TVP23A: variants seen among roughly 807,000 people sequenced by gnomAD.
The protein encoded by TVP23A is Golgi apparatus membrane protein TVP23 homolog A.
In TVP23A, 21 loss-of-function variants were observed where a neutral mutation model predicts 31.7. The ratio of observed to expected loss-of-function variants is 0.66; its 90% CI spans 0.47 to 0.95. TVP23A has a LOEUF of 0.95. Ranked by LOEUF, TVP23A falls within the 40% of genes least tolerant of loss-of-function variation. The pLI is 0.00. For synonymous variants in TVP23A, 104 were observed against 96.0 expected (o/e 1.08, Z -0.49); for missense variants, 279 against 255.6 (o/e 1.09, Z -0.62).
chr16:10,817,569 C>G (rs2034498600), intron 2 of TVP23A, among the ~76,000 whole-genome samples: 2 of 152,216 alleles, frequency 1.3e-5, no homozygotes, highest in South Asian at 2.1e-4. Flanking sequence ...CTAGACTCAG[C>G]AGGGATTAGA....
rs2233538 is a variant in TVP23A, at chr16:10,761,323, G to A, written c.*452C>T. ...CGGTTGCACAGACATTCCCTTTCTCGCACTTTGATGCTGGAATCACTGGTC... is the reference window on the plus strand; with the variant it reads ...CGGTTGCACAGACATTCCCTTTCTCACACTTTGATGCTGGAATCACTGGTC... On this transcript the variant is annotated 3_prime_UTR_variant and NMD_transcript_variant, in exon 9 of 9. Coordinates refer to the TVP23A transcript ENST00000456096. The A allele has an allele frequency of 5.4e-5, 86 of 1,578,866 alleles. No homozygotes were observed. In the East Asian group the frequency reaches 1.3e-3, roughly 23 times the overall value.
Position 10,774,989 on chromosome 16 carries a change from AC to A in TVP23A, c.196del (p.Val66CysfsTer12), listed in dbSNP as rs764698218. 3.7e-6 allele frequency: 6 copies of A among 1,613,080 alleles called. No individual in the cohort carries two copies. In the South Asian group the frequency reaches 5.5e-5, roughly 15 times the overall value. On this transcript the variant is annotated frameshift_variant, in exon 3 of 8. Transcript: ENST00000299866. LOFTEE classifies it high-confidence loss of function. ...SKSFVGCFVM[V>X]LLLLSLDFWS... ...GAAGTCCAGGGACAGGAGGAGCAGC[AC>A]CATGACAAAACAGCCCACAAAGCTC...
chr16:10,815,504 C>T (rs561984595), intron 2 of TVP23A, among the ~76,000 whole-genome samples: 19 of 152,280 alleles, frequency 1.2e-4, no homozygotes, highest in East Asian at 3.9e-4. Flanking sequence ...GGTTTTCAAC[C>T]GGGGGCAAGT....
At position 10,802,539 on chromosome 16, in the gene TVP23A, C is replaced by A. The variant is rs145859413; in HGVS notation, c.89+15564G>T. On this transcript the variant is annotated intron_variant, in intron 2 of 7. Transcript: ENST00000299866. ...AAGCGATCCTCTCGCCTCAACCTCC[C>A]AAATTGCTGGGGTTACAGGTGTGAG... Among the ~76,000 whole-genome samples, 398 of 152,278 alleles carry A rather than the reference C, an allele frequency of 2.6e-3. 6 individuals carry two copies. The highest frequency in any genetic ancestry group is 9.1e-3 in the African/African-American group (380 of 41,550).
At chr16:10,794,020 C>T (rs1374533078) in intron 2 of TVP23A, among the ~76,000 whole-genome samples, 2 of 151,570 alleles carry the variant, frequency 1.3e-5, no homozygotes, top group Non-Finnish European at 2.9e-5. Context: ...TCTCTGCTCC[C>T]AAGGTGATGC....
rs2143013301 is a variant in TVP23A at position 10,818,228 on chromosome 16, A to AGCCC, written c.10-47_10-46insGGGC. On this transcript the variant is annotated intron_variant, in intron 1 of 7. Transcript: ENST00000299866. This position sits in a 1 kb window ranked among gnomAD's most constrained non-coding sequence, Gnocchi z 4.7. ...GGTGGCAGGCCCAAGCACGGCGCAC[A>AGCCC]CCCCAACCCCACCCGCCCTGTCCTC... 14 of 1,469,738 alleles carry AGCCC rather than the reference A, an allele frequency of 9.5e-6. No individual in the cohort carries two copies. The highest frequency in any genetic ancestry group is 9.3e-6 in the Non-Finnish European group (10 of 1,077,426). The allele number at this position is 1,469,738 out of a possible 1,614,324, so 91.0% of individuals were successfully genotyped here.
At chr16:10,787,396 G>A (rs1230670637) in intron 2 of TVP23A, among the ~76,000 whole-genome samples, 3 of 152,120 alleles carry the variant, frequency 2.0e-5, no homozygotes, top group African/African-American at 7.2e-5. Context: ...GTGCCAATAG[G>A]AAAAGGCTAC....
chr16:10,816,372 C>G (rs537072792), intron 2 of TVP23A, among the ~76,000 whole-genome samples: 1 of 150,750 alleles, frequency 6.6e-6, no homozygotes, highest in African/African-American at 2.5e-5. Context: ...CTCACTCTGT[C>G]GCCCAGACTG....
At chr16:10,812,424 T>C (rs1030795233) in intron 2 of TVP23A, among the ~76,000 whole-genome samples, 2 of 152,158 alleles carry the variant, frequency 1.3e-5, no homozygotes, top group Non-Finnish European at 1.5e-5. Context: ...GCCAAAAGAA[T>C]TGAAAGCAGA....
downstream of TVP23A, among the ~76,000 whole-genome samples, chr16:10,762,839 A>G (rs151173135): frequency 8.2e-4 from 124 of 150,850 alleles, no homozygotes; most frequent in Non-Finnish European, 1.2e-3. Context: ...GGGCCCGTGG[A>G]GAGCCTGGAG....
At chr16:10,817,773 CCACCTCCT>C (rs2034506302) in intron 2 of TVP23A, among the ~76,000 whole-genome samples, 1 of 152,188 alleles carries the variant, frequency 6.6e-6, no homozygotes, top group East Asian at 1.9e-4. Flanking sequence ...AGCTCAAATG[CCACCTCCT>C]CAGAGAGGCC....
chr16:10,795,310 G>A (rs533450624), intron 2 of TVP23A, among the ~76,000 whole-genome samples: 6 of 151,736 alleles, frequency 4.0e-5, no homozygotes, highest in Admixed American at 2.6e-4. Flanking sequence ...GAGTGCAGTG[G>A]CATGATCTTG....
Position 10,818,094 on chromosome 16 carries a change from C to T in TVP23A, c.89+9G>A, listed in dbSNP as rs1596596455. 3 of 1,604,784 alleles carry T rather than the reference C, an allele frequency of 1.9e-6. No homozygotes were observed. The highest frequency in any genetic ancestry group is 2.6e-6 in the Non-Finnish European group (3 of 1,175,514). On this transcript the variant is annotated intron_variant, in intron 2 of 7. Transcript: ENST00000299866. This position sits in a 1 kb window ranked among gnomAD's most constrained non-coding sequence, Gnocchi z 4.7. ...GGGAACGCCTGACCCAAGCTCCATC[C>T]CAACACACCTGATCTTGGCTTTCCT...
intron 2 of TVP23A, among the ~76,000 whole-genome samples, chr16:10,792,744 C>T (rs1189031793): frequency 6.6e-6 from 1 of 152,240 alleles, no homozygotes; most frequent in Non-Finnish European, 1.5e-5. Context: ...GCAATGTTAG[C>T]TCCATCATCC....
intron 4 of TVP23A, 67 bp downstream of exon 4, chr16:10,773,972 G>A (rs112646459): frequency 1.8e-5 from 23 of 1,273,940 alleles, no homozygotes; most frequent in Non-Finnish European, 2.6e-5. Context: ...AACTCCAAAG[G>A]AACCCACAGA....
chr16:10,781,955 G>A (rs1007431090), intron 2 of TVP23A, among the ~76,000 whole-genome samples: 17 of 142,120 alleles, frequency 1.2e-4, no homozygotes, highest in South Asian at 2.3e-4. Flanking sequence ...TCCGCCTCCC[G>A]GGTTCAAGCA....
intron 2 of TVP23A, among the ~76,000 whole-genome samples, chr16:10,784,381 CAAAAAAAGAAAAAA>C (rs545001845): frequency 3.4e-5 from 5 of 146,830 alleles, no homozygotes; most frequent in South Asian, 4.3e-4. Flanking sequence ...CAATCTCTAC[CAAAAAAAGAAAAAA>C]AAAAAAAGAA....
Position 10,767,220 on chromosome 16 carries a change from G to A in TVP23A, c.*1882C>T. Reference sequence around the variant, plus strand: ...CGACTGGGGGCTGGCAGGGCAGACTGGAGGCGAGAACACCCCCATTGACCC... The same window carrying A: ...CGACTGGGGGCTGGCAGGGCAGACTAGAGGCGAGAACACCCCCATTGACCC... On this transcript the variant is annotated 3_prime_UTR_variant, in exon 8 of 8. Transcript: ENST00000299866. The surrounding 1 kb of genome is among the most constrained non-coding windows in gnomAD (Gnocchi z 4.6). The A allele has an allele frequency of 2.5e-6, 1 of 399,786 alleles. No individual in the cohort carries two copies. Among genetic ancestry groups the A allele is most frequent in the Non-Finnish European group, 4.4e-6 (1 of 227,046 alleles). The allele number at this position is 399,786 out of a possible 1,614,324, so 24.8% of individuals were successfully genotyped here.
At chr16:10,780,803 C>T (rs1162648163) in intron 2 of TVP23A, among the ~76,000 whole-genome samples, 2 of 152,114 alleles carry the variant, frequency 1.3e-5, no homozygotes, top group Admixed American at 6.6e-5. Flanking sequence ...CATCTCAGTC[C>T]TCCGTGTCAT....
Sources: gnomAD v4.1 joint callset for allele counts (sites outside exome capture counted in the v4.1 genomes callset) on GRCh38, gnomAD v4.1.1 for gene constraint, Gnocchi (gnomAD v3.1) non-coding constraint, MANE v1.5 for transcripts, NCBI Gene and HGNC (gene_info 2026-07-23, HGNC 2026-07-21) for gene names.